Variants in SEMA6A observed in about 807,000 individuals in gnomAD.
SEMA6A encodes semaphorin 6A, also known as semaphorin-6A.
A neutral mutation model predicts 96.8 loss-of-function variants in SEMA6A; 25 were observed. That is an observed-to-expected ratio of 0.26 (90% CI 0.19 to 0.36). The LOEUF is 0.36. Among genes scored for constraint, SEMA6A ranks in the 10% least tolerant of loss-of-function variants. The probability of loss-of-function intolerance (pLI) is 1.00; values close to 1 mark genes in which losing one functional copy is unlikely to be tolerated. For missense variants in SEMA6A, 1,363 were observed against 1,323.1 expected (o/e 1.03, Z -0.47); for synonymous variants, 612 against 518.0 (o/e 1.18, Z -2.46).
chr5:116,514,433 CT>C (rs1400013484), intron 1 of SEMA6A, among the ~76,000 whole-genome samples: 2 of 152,162 alleles, frequency 1.3e-5, no homozygotes, highest in Admixed American at 6.5e-5. Context: ...TGAGAAGTGT[CT>C]GTTCATGTCC....
chr5:116,569,280 T>C lies in SEMA6A; in HGVS notation c.-39+4905A>G, dbSNP rs73256767. 9.6e-3 allele frequency among the ~76,000 whole-genome samples: 1,459 copies of C among 152,240 alleles called. 23 individuals are homozygous for C. The highest frequency in any genetic ancestry group is 0.033 in the African/African-American group (1,373 of 41,554). The stretch of plus-strand genomic sequence containing the variant: ...CCTGAAGAATATGAGAAGCAAATCA[T>C]GTAGCTATCTGGGGAAAGAACCATC... On this transcript the variant is annotated intron_variant, in intron 1 of 18. Coordinates refer to ENST00000343348, the MANE Select transcript of SEMA6A (RefSeq NM_020796.5).
In SEMA6A at chr5:116,502,327, T is replaced by C. The variant is rs1191298470; in HGVS notation, c.101A>G (p.Tyr34Cys). ...SEPISISHGN[Y>C]TKQYPVFVGH... Reference sequence around the variant, plus strand: ...CACAAACACCGGATACTGTTTTGTATCTGTGAAAAGAGGAGATGGGGCAAG... The same window carrying C: ...CACAAACACCGGATACTGTTTTGTACCTGTGAAAAGAGGAGATGGGGCAAG... Residue 34 changes from tyrosine (Y) to cysteine (C), a missense_variant and splice_region_variant, in exon 3 of 19, where the codon TAT becomes TGT. Transcript: ENST00000343348. The C allele has an allele frequency of 5.0e-6, 8 of 1,613,520 alleles. No homozygotes were observed. The South Asian group carries it at 8.8e-5, about 18-fold the overall frequency.
chr5:116,537,637 TTGAACA>T (rs1236001170), intron 1 of SEMA6A, among the ~76,000 whole-genome samples: 9 of 152,270 alleles, frequency 5.9e-5, no homozygotes, highest in Non-Finnish European at 8.8e-5. Context: ...CAAAGATTAA[TTGAACA>T]AAGAGCCAAC....
chr5:116,467,543 C>G (rs1463185215), intron 18 of SEMA6A, 40 bp downstream of exon 18: 26 of 1,568,526 alleles, frequency 1.7e-5, no homozygotes, highest in Non-Finnish European at 2.2e-5. Flanking sequence ...ACTTTTCCCT[C>G]CCTCTCCCCC....
At chr5:116,536,627 TG>T (rs1759723698) in intron 1 of SEMA6A, among the ~76,000 whole-genome samples, 1 of 152,032 alleles carries the variant, frequency 6.6e-6, no homozygotes, top group East Asian at 1.9e-4. Context: ...AAACAACAAC[TG>T]CCACAAACTG....
At chr5:116,487,757 G>A (rs1247213788) in intron 9 of SEMA6A, among the ~76,000 whole-genome samples, 6 of 152,052 alleles carry the variant, frequency 3.9e-5, no homozygotes, top group East Asian at 1.9e-4. Flanking sequence ...CCAGCTACTC[G>A]GGAGGCTGAG....
At chr5:116,480,726 G>GT (rs1445762843) in intron 11 of SEMA6A, among the ~76,000 whole-genome samples, 21 of 149,016 alleles carry the variant, frequency 1.4e-4, no homozygotes, top group African/African-American at 5.2e-4. Context: ...ACTCACCAGG[G>GT]TATGTGCCAG....
chr5:116,530,373 G>T (rs781158597), intron 1 of SEMA6A, among the ~76,000 whole-genome samples: 11 of 152,002 alleles, frequency 7.2e-5, no homozygotes, highest in Non-Finnish European at 1.3e-4. Flanking sequence ...TTTTCTCTTA[G>T]CTCACTAAAA....
intron 18 of SEMA6A, among the ~76,000 whole-genome samples, chr5:116,451,573 C>T (rs1754637750): frequency 6.6e-6 from 1 of 152,058 alleles, no homozygotes; most frequent in Non-Finnish European, 1.5e-5. Context: ...TGGGCAAGTA[C>T]CACATTTTTT....
At chr5:116,570,440 T>C (rs896846212) in intron 1 of SEMA6A, among the ~76,000 whole-genome samples, 1 of 152,350 alleles carries the variant, frequency 6.6e-6, no homozygotes, top group Admixed American at 6.5e-5. Flanking sequence ...ACAAAGCTTC[T>C]ATATAAATAT....
intron 16 of SEMA6A, among the ~76,000 whole-genome samples, chr5:116,473,610 G>A (rs957709485): frequency 2.0e-5 from 3 of 152,198 alleles, no homozygotes; most frequent in African/African-American, 4.8e-5. Context: ...CAACATATCT[G>A]GGTGTGTGCT....
chr5:116,472,294 T>G (rs1362039106), intron 17 of SEMA6A: 1 of 152,258 alleles, frequency 6.6e-6, no homozygotes, highest in African/African-American at 2.4e-5. Context: ...ATAAATCCTG[T>G]TTGCACATCA....
intron 18 of SEMA6A, among the ~76,000 whole-genome samples, chr5:116,456,980 G>T (rs756013003): frequency 3.3e-5 from 5 of 152,148 alleles, no homozygotes; most frequent in African/African-American, 1.2e-4. Flanking sequence ...GGGGTGAAAA[G>T]AGGGACTTGA....
chr5:116,494,608 A>G (rs1757491251), intron 6 of SEMA6A, among the ~76,000 whole-genome samples: 1 of 152,188 alleles, frequency 6.6e-6, no homozygotes, highest in Non-Finnish European at 1.5e-5. Flanking sequence ...TGATGTCACC[A>G]TGGCAGCAAC....
chr5:116,556,734 C>T (rs898168261), intron 1 of SEMA6A, among the ~76,000 whole-genome samples: 18 of 152,240 alleles, frequency 1.2e-4, no homozygotes, highest in Middle Eastern at 3.4e-3. Flanking sequence ...GTGTGTGTAG[C>T]GCTAATATGA....
rs764262602 is a variant in SEMA6A at position 116,473,053 on chromosome 5, G to A, written c.1729+20C>T. On this transcript the variant is annotated intron_variant, in intron 17 of 18. Coordinates refer to ENST00000343348, the MANE Select transcript of SEMA6A (RefSeq NM_020796.5). ...TAGGTTTCCACCAGTATGGAATTAT[G>A]AGAGTAATATCTTCCTTACCATTCA... 28 of 1,586,974 alleles carry A rather than the reference G, an allele frequency of 1.8e-5. No individual in the cohort carries two copies. The South Asian group carries it at 2.5e-4, about 14-fold the overall frequency.
At position 116,460,449 on chromosome 5, in the gene SEMA6A, T is replaced by G. The variant is rs187520426; in HGVS notation, c.1894+7134A>C. ...CCAAATGTAATATATAAATTAGATCTTATATATTCACTGAGTAAGTTATCA... is the reference window on the plus strand; with the variant it reads ...CCAAATGTAATATATAAATTAGATCGTATATATTCACTGAGTAAGTTATCA... On this transcript the variant is annotated intron_variant, in intron 18 of 18. Coordinates refer to ENST00000343348, the MANE Select transcript of SEMA6A (RefSeq NM_020796.5). Among the ~76,000 whole-genome samples the G allele has an allele frequency of 3.5e-3, 526 of 152,306 alleles. 4 individuals carry two copies. Among genetic ancestry groups the G allele is most frequent in the Admixed American group, 7.5e-3 (115 of 15,294 alleles).
At chr5:116,567,841 G>A (rs760252555) in intron 1 of SEMA6A, among the ~76,000 whole-genome samples, 8 of 152,130 alleles carry the variant, frequency 5.3e-5, no homozygotes, top group African/African-American at 1.7e-4. Context: ...CATATTAATC[G>A]TTACACTGAT....
rs1438374675 is a variant in SEMA6A, at chr5:116,444,814, G to A, written c.*1799C>T. The A allele has an allele frequency of 1.3e-5, 2 of 152,384 alleles. No homozygotes were observed. Among genetic ancestry groups the A allele is most frequent in the African/African-American group, 2.4e-5 (1 of 41,464 alleles). The allele number at this position is 152,384 out of a possible 1,614,324, so 9.4% of individuals were successfully genotyped here. A position where few individuals can be genotyped will look rare whatever the true frequency, so the allele number is the denominator to read the frequency against. ...TGTCATTTCTTTGTGTGCACTGCAC[G>A]TGTGTGCTGTGCACATGGCTTGGAG... On this transcript the variant is annotated 3_prime_UTR_variant, in exon 19 of 19. Transcript: ENST00000343348.
Sources: gnomAD v4.1 joint callset for allele counts (sites outside exome capture counted in the v4.1 genomes callset) on GRCh38, gnomAD v4.1.1 for gene constraint, MANE v1.5 for transcripts, NCBI Gene and HGNC (gene_info 2026-07-23, HGNC 2026-07-21) for gene names.